Variants in LIFR observed in about 807,000 individuals in gnomAD.
The protein encoded by LIFR is LIF receptor subunit alpha, also known as leukemia inhibitory factor receptor.
LIFR carries 84 observed loss-of-function variants against 122.2 expected under a neutral mutation model. The ratio of observed to expected loss-of-function variants is 0.69; its 90% CI spans 0.58 to 0.82. The LOEUF (loss-of-function observed/expected upper bound fraction) is 0.82. LIFR is among the 40% of genes least tolerant of loss of function. The pLI is 0.00. For synonymous variants in LIFR, 422 were observed against 434.7 expected (o/e 0.97, Z 0.36); for missense variants, 1,294 against 1,311.6 (o/e 0.99, Z 0.21).
chr5:38,484,187 G>A (rs760244464), intron 18 of LIFR, among the ~76,000 whole-genome samples: 3 of 152,232 alleles, frequency 2.0e-5, no homozygotes, highest in South Asian at 4.1e-4. Flanking sequence ...CTCGCAGGAC[G>A]TAGCCCCCTG....
At chr5:38,508,127 G>C (rs1745596289) in intron 7 of LIFR, among the ~76,000 whole-genome samples, 1 of 152,088 alleles carries the variant, frequency 6.6e-6, no homozygotes, top group South Asian at 2.1e-4. Flanking sequence ...TAGAAGGACA[G>C]ACAGAAGGGG....
At chr5:38,506,749 A>G in intron 7 of LIFR, 117 bp from the exon 8 acceptor site, 1 of 868,170 alleles carries the variant, frequency 1.2e-6, no homozygotes, top group East Asian at 2.7e-5. Flanking sequence ...TTTACTATTT[A>G]CATTTTACTT....
At chr5:38,563,528 A>G (rs1430769336) in intron 1 of LIFR, among the ~76,000 whole-genome samples, 1 of 152,244 alleles carries the variant, frequency 6.6e-6, no homozygotes, top group African/African-American at 2.4e-5. Flanking sequence ...TAACAAAGAT[A>G]TGAATGCACC....
intron 1 of LIFR, among the ~76,000 whole-genome samples, chr5:38,553,351 T>G (rs186128139): frequency 1.5e-3 from 235 of 152,144 alleles, no homozygotes; most frequent in African/African-American, 5.3e-3. Flanking sequence ...CTGATTGCTT[T>G]CTTTCACAGC....
At chr5:38,593,354 G>T (rs1405816032) in intron 1 of LIFR, among the ~76,000 whole-genome samples, 1 of 152,176 alleles carries the variant, frequency 6.6e-6, no homozygotes, top group Admixed American at 6.5e-5. Context: ...AACCTATGCT[G>T]TCTAATACAA....
At chr5:38,555,529 C>G (rs1176269685) in intron 1 of LIFR, among the ~76,000 whole-genome samples, 1 of 152,112 alleles carries the variant, frequency 6.6e-6, no homozygotes, top group African/African-American at 2.4e-5. Flanking sequence ...TGAAACTTTT[C>G]TGTTGAAAGA....
intron 1 of LIFR, among the ~76,000 whole-genome samples, chr5:38,534,693 C>T (rs1309376746): frequency 6.6e-6 from 1 of 152,088 alleles, no homozygotes; most frequent in Non-Finnish European, 1.5e-5. Flanking sequence ...TACACAAGGG[C>T]TCAGGAATAA....
At chr5:38,561,031 A>G (rs1748820028), upstream of LIFR, among the ~76,000 whole-genome samples, 1 of 152,186 alleles carries the variant, frequency 6.6e-6, no homozygotes, top group Non-Finnish European at 1.5e-5. Context: ...TGAGCATAAA[A>G]CTGAGCCCAA....
At position 38,523,420 on chromosome 5, in the gene LIFR, A is replaced by G; in HGVS notation, c.560T>C (p.Leu187Ser). The change falls in exon 5 of 20, where the codon TTA becomes TCA. Residue 187 changes from leucine (L) to serine (S), a missense_variant and splice_region_variant. Transcript: ENST00000453190. ...AAGAAAATCTATGTTCAAACTTACT[A>G]ATTTTACGAGCTCCATACTCTCTTT... ...LRKESMELVK[L>S]VTHNTTLNGK... 1 of 1,607,764 alleles carries G rather than the reference A, an allele frequency of 6.2e-7. No individual in the cohort carries two copies. Among genetic ancestry groups the G allele is most frequent in the Non-Finnish European group, 8.5e-7 (1 of 1,177,534 alleles).
Position 38,499,505 on chromosome 5 carries a change from AT to A in LIFR, c.1671+7del. The A allele has an allele frequency of 6.5e-7, 1 of 1,549,980 alleles. No homozygotes were observed. Among genetic ancestry groups the A allele is most frequent in the South Asian group, 1.1e-5 (1 of 89,742 alleles). On this transcript the variant is annotated splice_region_variant and intron_variant, in intron 12 of 19. Transcript: ENST00000453190. ...ATGTAAATGTTCACAGAAAAATTAG[AT>A]ATTTACCTTCCAATAGATTATTAAA... is the stretch of plus-strand genomic sequence containing the variant.
At chr5:38,607,334 C>G (rs1419074688) in intron 1 of LIFR, among the ~76,000 whole-genome samples, 1 of 152,166 alleles carries the variant, frequency 6.6e-6, no homozygotes, top group Non-Finnish European at 1.5e-5. Flanking sequence ...TTATCATATT[C>G]TATGTGCATC....
At chr5:38,572,022 G>A (rs761205304) in intron 1 of LIFR, among the ~76,000 whole-genome samples, 15 of 152,138 alleles carry the variant, frequency 9.9e-5, no homozygotes, top group Non-Finnish European at 1.9e-4. Context: ...TATAGCTTAA[G>A]CCCACTTTAT....
chr5:38,540,459 G>A (rs1747531156), intron 1 of LIFR, among the ~76,000 whole-genome samples: 1 of 152,114 alleles, frequency 6.6e-6, no homozygotes, highest in African/African-American at 2.4e-5. Flanking sequence ...GAAAATAACT[G>A]CCATCTTACT....
In LIFR at chr5:38,481,825, A is replaced by G. The variant is rs1458984367; in HGVS notation, c.3064T>C (p.Leu1022=). 1 of 1,614,124 alleles carries G rather than the reference A, an allele frequency of 6.2e-7. No individual in the cohort carries two copies. The highest frequency in any genetic ancestry group is 2.2e-5 in the East Asian group (1 of 44,888). The change falls in exon 20 of 20, where the codon TTA becomes CTA. Residue 1022 remains leucine (L), a synonymous_variant. Transcript: ENST00000453190. ...TVEDIAAEED[L]DKTAGYRPQA... ...GGTCTGTAACCCGCAGTTTTATCTA[A>G]GTCCTCTTCTGCAGCTATATCTTCC... is the stretch of plus-strand genomic sequence containing the variant.
chr5:38,539,495 A>G (rs1170455363), intron 1 of LIFR, among the ~76,000 whole-genome samples: 1 of 152,188 alleles, frequency 6.6e-6, no homozygotes, highest in Non-Finnish European at 1.5e-5. Context: ...TGGTGACTGA[A>G]GCAAATCCAT....
chr5:38,552,054 A>C (rs1368850984), intron 1 of LIFR, among the ~76,000 whole-genome samples: 1 of 152,234 alleles, frequency 6.6e-6, no homozygotes, highest in Non-Finnish European at 1.5e-5. Context: ...GGACAAAAGG[A>C]CACAGGCTTC....
At chr5:38,524,126 C>T (rs1294473017) in intron 4 of LIFR, among the ~76,000 whole-genome samples, 1 of 152,174 alleles carries the variant, frequency 6.6e-6, no homozygotes, top group Non-Finnish European at 1.5e-5. Flanking sequence ...ATATAGAAAG[C>T]TTCCTTTGGT....
upstream of LIFR, among the ~76,000 whole-genome samples, chr5:38,598,460 G>A (rs1397487358): frequency 6.6e-6 from 1 of 151,194 alleles, no homozygotes; most frequent in Non-Finnish European, 1.5e-5. Context: ...TGGTCAGGCT[G>A]GTCTTAAACT....
chr5:38,487,372 T>G (rs1363209553), intron 16 of LIFR, among the ~76,000 whole-genome samples: 3 of 152,246 alleles, frequency 2.0e-5, no homozygotes, highest in Admixed American at 1.3e-4. Context: ...TTCAGTATTT[T>G]GAAGAGACTT....
Sources: allele counts gnomAD v4.1 joint callset (sites outside exome capture counted in the v4.1 genomes callset), GRCh38; gene constraint gnomAD v4.1.1; transcripts MANE v1.5; gene names NCBI Gene and HGNC (gene_info 2026-07-23, HGNC 2026-07-21).